MCU: variants seen among roughly 807,000 people sequenced by gnomAD.
The protein encoded by MCU is mitochondrial calcium uniporter, also known as calcium uniporter protein, mitochondrial.
Under a neutral mutation model 45.2 loss-of-function variants are expected in MCU, and 12 were observed. That is an observed-to-expected ratio of 0.27 (90% CI 0.17 to 0.43). The LOEUF (loss-of-function observed/expected upper bound fraction) is 0.43. Ranked by LOEUF, MCU falls within the 20% of genes least tolerant of loss-of-function variation. MCU has a pLI of 1.00. For synonymous variants in MCU, 160 were observed against 165.1 expected (o/e 0.97, Z 0.24); for missense variants, 324 against 436.7 (o/e 0.74, Z 2.30).
At position 72,780,551 on chromosome 10, in the gene MCU, T is replaced by TG. The variant is rs1554823562; in HGVS notation, c.151-53808_151-53807insG. On this transcript the variant is annotated intron_variant, in intron 1 of 7. Transcript: ENST00000373053. Reference sequence around the variant, plus strand: ...GTGTGTGTGTGTGTGTGTGTGTGTGTTGGGTGAATTTGGAAGAGAGGAAGA... The same window carrying TG: ...GTGTGTGTGTGTGTGTGTGTGTGTGTGTGGGTGAATTTGGAAGAGAGGAAGA... Among the ~76,000 whole-genome samples the TG allele has an allele frequency of 8.9e-3, 1,282 of 143,802 alleles. 13 individuals carry two copies. Among genetic ancestry groups the TG allele is most frequent in the Non-Finnish European group, 0.015 (946 of 64,998 alleles). The allele number at this position is 143,802 out of a possible 152,430, so 94.3% of individuals were successfully genotyped here.
intron 1 of MCU, among the ~76,000 whole-genome samples, chr10:72,752,490 T>C (rs1332679623): frequency 6.6e-6 from 1 of 152,254 alleles, no homozygotes; most frequent in African/African-American, 2.4e-5. Context: ...TTAATGACGT[T>C]GAAAACATTC....
intron 1 of MCU, among the ~76,000 whole-genome samples, chr10:72,811,565 C>G (rs1183361108): frequency 6.6e-6 from 1 of 152,130 alleles, no homozygotes; most frequent in Non-Finnish European, 1.5e-5. Context: ...TCTCTCTTTG[C>G]TTTTCTTTCA....
At chr10:72,788,379 C>A (rs1430679626) in intron 1 of MCU, among the ~76,000 whole-genome samples, 1 of 152,196 alleles carries the variant, frequency 6.6e-6, no homozygotes, top group Non-Finnish European at 1.5e-5. Context: ...AATCCCAACA[C>A]TTTGGGAGGC....
At chr10:72,782,655 AC>A (rs778970450) in intron 1 of MCU, among the ~76,000 whole-genome samples, 6 of 152,234 alleles carry the variant, frequency 3.9e-5, no homozygotes, top group Non-Finnish European at 8.8e-5. Flanking sequence ...GGCATGAGCT[AC>A]CACGCCCGGC....
rs187843456 is a variant in MCU at position 72,705,062 on chromosome 10, T to G, written c.150+12761T>G. Among the ~76,000 whole-genome samples, 472 of 151,920 alleles carry G rather than the reference T, an allele frequency of 3.1e-3. 2 individuals are homozygous for G. The highest frequency in any genetic ancestry group is 0.011 in the African/African-American group (439 of 41,446). On this transcript the variant is annotated intron_variant, in intron 1 of 7. Transcript: ENST00000373053. ...TTTTTTGTAGAGGTGAGGGTCTTGCTATGTTGCCCAGGCTGGTCTCAAACT... is the reference window on the plus strand; with the variant it reads ...TTTTTTGTAGAGGTGAGGGTCTTGCGATGTTGCCCAGGCTGGTCTCAAACT...
chr10:72,861,655 AATTT>A, intron 4 of MCU: 1 of 372,418 alleles, frequency 2.7e-6, no homozygotes. Context: ...CCGCCAGGCT[AATTT>A]TTTTTTTTTT....
At chr10:72,805,086 T>C (rs1431870088) in intron 1 of MCU, among the ~76,000 whole-genome samples, 1 of 144,490 alleles carries the variant, frequency 6.9e-6, no homozygotes, top group African/African-American at 2.7e-5. Flanking sequence ...TGTTTCTTTC[T>C]TTCTTTCTTT....
chr10:72,803,372 T>G (rs556928255), intron 1 of MCU, among the ~76,000 whole-genome samples: 3 of 151,690 alleles, frequency 2.0e-5, no homozygotes, highest in Admixed American at 6.6e-5. Flanking sequence ...GAACTTTCAT[T>G]TAAAAATGCA....
At chr10:72,854,686 C>T (rs760382419) in intron 2 of MCU, among the ~76,000 whole-genome samples, 2 of 152,158 alleles carry the variant, frequency 1.3e-5, no homozygotes, top group African/African-American at 2.4e-5. Flanking sequence ...GACACTTTTT[C>T]GATGGTACCA....
intron 1 of MCU, among the ~76,000 whole-genome samples, chr10:72,716,813 C>T (rs1038671769): frequency 6.6e-6 from 1 of 152,048 alleles, no homozygotes; most frequent in Non-Finnish European, 1.5e-5. Flanking sequence ...TTTGAGGCTG[C>T]AGTGAGCTGT....
intron 1 of MCU, among the ~76,000 whole-genome samples, chr10:72,703,019 T>A (rs914238697): frequency 2.0e-5 from 3 of 150,710 alleles, no homozygotes; most frequent in Non-Finnish European, 4.4e-5. Context: ...TTTGGAAATA[T>A]AATGTGACTG....
At chr10:72,695,847 C>T (rs1485813408) in intron 1 of MCU, among the ~76,000 whole-genome samples, 1 of 151,652 alleles carries the variant, frequency 6.6e-6, no homozygotes, top group African/African-American at 2.4e-5. Context: ...AAGTAATGTG[C>T]ACCACCATGC....
intron 1 of MCU, among the ~76,000 whole-genome samples, chr10:72,702,519 C>T (rs1194730944): frequency 2.0e-5 from 3 of 152,166 alleles, no homozygotes; most frequent in Non-Finnish European, 4.4e-5. Context: ...GAGAGAGATG[C>T]CTTTGTGGTG....
At position 72,837,364 on chromosome 10, in the gene MCU, G is replaced by A. The variant is rs191035257; in HGVS notation, c.220+2936G>A. 1.1e-3 allele frequency among the ~76,000 whole-genome samples: 169 copies of A among 152,242 alleles called. 1 individual carries two copies. Among genetic ancestry groups the A allele is most frequent in the African/African-American group, 3.9e-3 (162 of 41,552 alleles). ...AACACATACTCATACTCACACCCAT[G>A]TTTGCTTTCATGAGAGGCAATCTGC... On this transcript the variant is annotated intron_variant, in intron 2 of 7. Coordinates refer to ENST00000373053, the MANE Select transcript of MCU (RefSeq NM_138357.3).
At chr10:72,828,788 T>C (rs1434795024) in intron 1 of MCU, among the ~76,000 whole-genome samples, 1 of 152,176 alleles carries the variant, frequency 6.6e-6, no homozygotes, top group Non-Finnish European at 1.5e-5. Flanking sequence ...TTTGGAGAAA[T>C]AAAGTTACAG....
At chr10:72,839,756 G>C (rs1220691738) in intron 2 of MCU, among the ~76,000 whole-genome samples, 1 of 149,790 alleles carries the variant, frequency 6.7e-6, no homozygotes, top group African/African-American at 2.5e-5. Flanking sequence ...GATCGAGACT[G>C]TCCTGGCTAA....
intron 1 of MCU, among the ~76,000 whole-genome samples, chr10:72,832,504 A>G (rs1001231007): frequency 6.6e-6 from 1 of 152,224 alleles, no homozygotes; most frequent in Non-Finnish European, 1.5e-5. Flanking sequence ...AAACCATTAC[A>G]TGAGGAAAAA....
At chr10:72,839,800 A>C (rs1183916640) in intron 2 of MCU, among the ~76,000 whole-genome samples, 1 of 149,034 alleles carries the variant, frequency 6.7e-6, no homozygotes, top group East Asian at 1.9e-4. Context: ...AAGAATACAA[A>C]AAAAAAAAAA....
At chr10:72,882,676 A>C (rs755737829) in intron 6 of MCU, among the ~76,000 whole-genome samples, 1 of 152,148 alleles carries the variant, frequency 6.6e-6, no homozygotes, top group Non-Finnish European at 1.5e-5. Flanking sequence ...ATGGTGCCCG[A>C]AACTTCATTA....
Sources: gnomAD v4.1 joint callset for allele counts (sites outside exome capture counted in the v4.1 genomes callset) on GRCh38, gnomAD v4.1.1 for gene constraint, MANE v1.5 for transcripts, NCBI Gene and HGNC (gene_info 2026-07-23, HGNC 2026-07-21) for gene names.